Variants in ZBTB20 observed in about 807,000 individuals in gnomAD.
ZBTB20 encodes the protein zinc finger and BTB domain-containing protein 20.
ZBTB20 carries 9 observed loss-of-function variants against 56.9 expected under a neutral mutation model. That is an observed-to-expected ratio of 0.16 (90% confidence interval 0.10 to 0.28). The LOEUF is 0.28. ZBTB20 is among the 10% of genes least tolerant of loss of function. The pLI, the probability that ZBTB20 is intolerant of heterozygous loss-of-function variation, is 1.00. For missense variants in ZBTB20, 655 were observed against 1,003.0 expected (o/e 0.65, Z 4.69); for synonymous variants, 417 against 420.7 (o/e 0.99, Z 0.11).
intron 2 of ZBTB20, among the ~76,000 whole-genome samples, chr3:115,068,222 T>C (rs1004373512): frequency 3.3e-5 from 5 of 151,946 alleles, no homozygotes; most frequent in Admixed American, 6.6e-5. Context: ...ATGTATTGTA[T>C]AGTATATAAA....
chr3:115,085,539 T>C (rs1176314139), intron 1 of ZBTB20, among the ~76,000 whole-genome samples: 3 of 151,940 alleles, frequency 2.0e-5, no homozygotes, highest in Non-Finnish European at 4.4e-5. Context: ...CAAAAACTAA[T>C]TTGTGGCTAA....
In ZBTB20 at chr3:115,025,617, A is replaced by T. The variant is rs2080392572; in HGVS notation, c.-507+45602T>A. ...TGGGATCACAAAATAAAAATTATACAAATTGAGGAAAGCCTTATTTAATAT... is the reference window on the plus strand; with the variant it reads ...TGGGATCACAAAATAAAAATTATACTAATTGAGGAAAGCCTTATTTAATAT... On this transcript the variant is annotated intron_variant, in intron 2 of 11. Coordinates refer to ENST00000675478, the MANE Select transcript of ZBTB20 (RefSeq NM_001348800.3). Among the ~76,000 whole-genome samples the T allele has an allele frequency of 2.7e-5, 4 of 150,942 alleles. No homozygotes were observed. In the Admixed American group the frequency reaches 2.7e-4, roughly 10 times the overall value.
intron 6 of ZBTB20, among the ~76,000 whole-genome samples, chr3:114,585,917 C>G (rs892162356): frequency 6.6e-6 from 1 of 152,202 alleles, no homozygotes; most frequent in African/African-American, 2.4e-5. Flanking sequence ...GATGCTTTAG[C>G]TCGGAGGAAG....
intron 6 of ZBTB20, among the ~76,000 whole-genome samples, chr3:114,508,867 T>C (rs2044977653): frequency 1.3e-5 from 2 of 152,156 alleles, no homozygotes; most frequent in Non-Finnish European, 2.9e-5. Flanking sequence ...AGGTTGGTTA[T>C]TACTGTGATC....
chr3:114,516,753 CAG>C (rs2046043601), intron 6 of ZBTB20, among the ~76,000 whole-genome samples: 1 of 152,114 alleles, frequency 6.6e-6, no homozygotes, highest in African/African-American at 2.4e-5. Context: ...ACGATGACGG[CAG>C]AGATTGGGGC....
intron 6 of ZBTB20, among the ~76,000 whole-genome samples, chr3:114,592,058 T>A (rs1392208635): frequency 6.6e-6 from 1 of 152,170 alleles, no homozygotes; most frequent in East Asian, 1.9e-4. Context: ...TTGCCAATAT[T>A]GGAAAACATG....
chr3:114,974,854 C>A (rs1247971190), intron 2 of ZBTB20, among the ~76,000 whole-genome samples: 1 of 152,090 alleles, frequency 6.6e-6, no homozygotes, highest in Non-Finnish European at 1.5e-5. Flanking sequence ...AGATAAAACA[C>A]AAGCCCTATT....
At chr3:114,936,144 A>C (rs2076527065) in intron 3 of ZBTB20, among the ~76,000 whole-genome samples, 1 of 152,192 alleles carries the variant, frequency 6.6e-6, no homozygotes, top group South Asian at 2.1e-4. Flanking sequence ...AATGGAGGAA[A>C]TACAGAAGAA....
At chr3:114,614,812 G>C (rs1376333432) in intron 6 of ZBTB20, among the ~76,000 whole-genome samples, 1 of 152,004 alleles carries the variant, frequency 6.6e-6, no homozygotes, top group African/African-American at 2.4e-5. Flanking sequence ...AGTGTGCAGT[G>C]GTGTGATCTC....
At chr3:115,100,007 C>G (rs899571792) in intron 1 of ZBTB20, among the ~76,000 whole-genome samples, 1 of 151,950 alleles carries the variant, frequency 6.6e-6, no homozygotes, top group Non-Finnish European at 1.5e-5. Context: ...AAGGGTAGGC[C>G]TCCTACAGAT....
At chr3:115,025,080 A>T (rs567717397) in intron 2 of ZBTB20, among the ~76,000 whole-genome samples, 17 of 151,106 alleles carry the variant, frequency 1.1e-4, no homozygotes, top group African/African-American at 4.1e-4. Flanking sequence ...ATTTTTCCTG[A>T]TCCTTTCCCT....
chr3:115,012,072 A>G (rs2079740469), intron 2 of ZBTB20, among the ~76,000 whole-genome samples: 1 of 151,850 alleles, frequency 6.6e-6, no homozygotes, highest in Non-Finnish European at 1.5e-5. Context: ...GGATACACAA[A>G]AAGTAAAAAG....
intron 6 of ZBTB20, among the ~76,000 whole-genome samples, chr3:114,547,305 A>G (rs890932301): frequency 1.3e-4 from 20 of 152,140 alleles, no homozygotes; most frequent in African/African-American, 4.8e-4. Flanking sequence ...TTGTTTTGTG[A>G]AGATAGTTTG....
At chr3:114,842,297 TA>T (rs2074415522) in intron 4 of ZBTB20, among the ~76,000 whole-genome samples, 1 of 152,136 alleles carries the variant, frequency 6.6e-6, no homozygotes, top group African/African-American at 2.4e-5. Flanking sequence ...TATATTATAT[TA>T]AAAATTTTCT....
At chr3:115,004,709 AT>A (rs2108230221) in intron 2 of ZBTB20, among the ~76,000 whole-genome samples, 2 of 151,832 alleles carry the variant, frequency 1.3e-5, no homozygotes, top group Admixed American at 1.3e-4. Context: ...AGGGCATAAT[AT>A]TTCTTTAACT....
intron 7 of ZBTB20, among the ~76,000 whole-genome samples, chr3:114,454,160 A>G (rs1371060935): frequency 1.6e-5 from 2 of 127,830 alleles, no homozygotes; most frequent in Non-Finnish European, 3.3e-5. Flanking sequence ...AGAGGAAGAG[A>G]GAGGAAAAGA....
chr3:114,890,118 T>C (rs2076750890), intron 4 of ZBTB20, among the ~76,000 whole-genome samples: 1 of 152,180 alleles, frequency 6.6e-6, no homozygotes, highest in Non-Finnish European at 1.5e-5. Flanking sequence ...TCTACTCTAT[T>C]ATATTGTCTC....
chr3:115,034,449 G>A (rs1426864565), intron 2 of ZBTB20, among the ~76,000 whole-genome samples: 1 of 151,296 alleles, frequency 6.6e-6, no homozygotes, highest in East Asian at 1.9e-4. Context: ...CACTAACACT[G>A]AACAATCTAA....
intron 3 of ZBTB20, among the ~76,000 whole-genome samples, chr3:114,904,175 G>A (rs1304473763): frequency 1.3e-5 from 2 of 152,022 alleles, no homozygotes; most frequent in African/African-American, 4.8e-5. Context: ...TGGCATAGCT[G>A]TGTTCTCCAG....
Sources: allele counts gnomAD v4.1 joint callset (sites outside exome capture counted in the v4.1 genomes callset), GRCh38; gene constraint gnomAD v4.1.1; transcripts MANE v1.5; gene names NCBI Gene and HGNC (gene_info 2026-07-23, HGNC 2026-07-21).